FBXL14: variants seen among roughly 807,000 people sequenced by gnomAD.
FBXL14 encodes F-box/LRR-repeat protein 14.
A neutral mutation model predicts 24.5 loss-of-function variants in FBXL14; 11 were observed. That is an observed-to-expected ratio of 0.45 (90% CI 0.28 to 0.74). FBXL14 has a LOEUF of 0.74. FBXL14 is among the 30% of genes least tolerant of loss of function. The pLI is 0.12. For missense variants in FBXL14, 384 were observed against 545.6 expected (o/e 0.70, Z 2.95); for synonymous variants, 294 against 240.4 (o/e 1.22, Z -2.06).
At chr12:1,581,034 A>G (rs949058650) in intron 1 of FBXL14, among the ~76,000 whole-genome samples, 3 of 152,204 alleles carry the variant, frequency 2.0e-5, no homozygotes, top group Non-Finnish European at 2.9e-5. Context: ...TACCTGCTTC[A>G]GTGTGTAGAC....
chr12:1,594,098 G>A lies in FBXL14; in HGVS notation c.-32C>T, dbSNP rs541686360. 7.6e-5 allele frequency: 103 copies of A among 1,362,204 alleles called. 3 individuals are homozygous for A. In the Admixed American group the frequency reaches 2.6e-3, roughly 34 times the overall value. The allele number at this position is 1,362,204 out of a possible 1,614,324, so 84.4% of individuals were successfully genotyped here. ...CCTCCCCCCTCCGCGGCGCTGGGGG[G>A]AGGAGGCGCGGGCCCCGCCGCTCCG... On this transcript the variant is annotated 5_prime_UTR_variant, in exon 1 of 2. Transcript: ENST00000339235.
At chr12:1,591,709 T>C (rs755249086) in intron 1 of FBXL14, among the ~76,000 whole-genome samples, 6 of 152,102 alleles carry the variant, frequency 3.9e-5, no homozygotes, top group African/African-American at 1.5e-4. Flanking sequence ...ATTTTGTTAA[T>C]AGAACAGAGA....
Position 1,594,114 on chromosome 12 carries a change from C to G in FBXL14, c.-48G>C. 7.6e-7 allele frequency: 1 copy of G among 1,316,204 alleles called. No individual in the cohort carries two copies. The highest frequency in any genetic ancestry group is 9.7e-7 in the Non-Finnish European group (1 of 1,036,026). 81.5% of individuals were successfully genotyped at this position (1,316,204 alleles called of 1,614,324 possible). On this transcript the variant is annotated 5_prime_UTR_variant, in exon 1 of 2. Coordinates refer to ENST00000339235, the MANE Select transcript of FBXL14 (RefSeq NM_152441.3). Reference sequence around the variant, plus strand: ...CGCTGGGGGGAGGAGGCGCGGGCCCCGCCGCTCCGGCCTCGGGCAGGCGAC... The same window carrying G: ...CGCTGGGGGGAGGAGGCGCGGGCCCGGCCGCTCCGGCCTCGGGCAGGCGAC...
chr12:1,588,552 G>C (rs1233464459), intron 1 of FBXL14, among the ~76,000 whole-genome samples: 1 of 152,276 alleles, frequency 6.6e-6, no homozygotes, highest in Admixed American at 6.5e-5. Flanking sequence ...CTTGGGAGCT[G>C]CAGAAATTGG....
intron 1 of FBXL14, among the ~76,000 whole-genome samples, chr12:1,580,977 C>T (rs1419760454): frequency 6.6e-6 from 1 of 152,062 alleles, no homozygotes; most frequent in Non-Finnish European, 1.5e-5. Context: ...TCTGAAGTAT[C>T]AAGCGGAAGG....
rs949985637 is a variant in FBXL14, at chr12:1,579,353, C to T, written c.1195-12543G>A. Among the ~76,000 whole-genome samples the T allele has an allele frequency of 6.6e-6, 1 of 152,048 alleles. No individual in the cohort carries two copies. Among genetic ancestry groups the T allele is most frequent in the African/African-American group, 2.4e-5 (1 of 41,426 alleles). ...AATCTGGGCCGGGCACGGTGGCTCA[C>T]GCCTGTAATCCCAGCACTTTGGGAG... is the stretch of plus-strand genomic sequence containing the variant. On this transcript the variant is annotated intron_variant, in intron 1 of 1. Transcript: ENST00000339235. The surrounding 1 kb of genome is among the most constrained non-coding windows in gnomAD (Gnocchi z 4.3).
intron 1 of FBXL14, among the ~76,000 whole-genome samples, chr12:1,585,069 A>G (rs895540469): frequency 1.3e-4 from 20 of 152,312 alleles, no homozygotes; most frequent in African/African-American, 4.8e-4. Flanking sequence ...TTTAGTGACT[A>G]CGTCTCAGAA....
rs2094495233 is a variant in FBXL14 at position 1,593,541 on chromosome 12, G to A, written c.526C>T (p.Leu176Phe). The A allele has an allele frequency of 1.2e-6, 2 of 1,613,914 alleles. No homozygotes were observed. The highest frequency in any genetic ancestry group is 1.7e-6 in the Non-Finnish European group (2 of 1,180,008). Residue 176 changes from leucine (L) to phenylalanine (F), a missense_variant, in exon 1 of 2, where the codon CTC becomes TTC. By Grantham distance (22) the Leu-to-Phe change is conservative (BLOSUM62 0). Transcript: ENST00000339235. The surrounding 1 kb of genome is among the most constrained non-coding windows in gnomAD (Gnocchi z 7.4). ...TCCGAAAGGTGGCGGCAGCTGCGGA[G>A]GTTAAGGCTCTTGAGGCGCTGCAGA... is the stretch of plus-strand genomic sequence containing the variant. ...WGLQRLKSLN[L>F]RSCRHLSDVG...
chr12:1,568,299 T>C (rs1259367312), intron 1 of FBXL14, among the ~76,000 whole-genome samples: 1 of 152,192 alleles, frequency 6.6e-6, no homozygotes, highest in African/African-American at 2.4e-5. Flanking sequence ...CCTAGAACTC[T>C]GAACCCTGCA....
At chr12:1,585,194 C>T (rs949829884) in intron 1 of FBXL14, among the ~76,000 whole-genome samples, 5 of 152,106 alleles carry the variant, frequency 3.3e-5, no homozygotes, top group Admixed American at 2.6e-4. Flanking sequence ...GTCAGGAGAT[C>T]GAGACCATCC....
rs1341078169 is a variant in FBXL14, at chr12:1,593,515, A to G, written c.552T>C (p.Asp184=). Residue 184 remains aspartate, a synonymous_variant, in exon 1 of 2, where the codon GAT becomes GAC. Transcript: ENST00000339235. The surrounding 1 kb of genome is among the most constrained non-coding windows in gnomAD (Gnocchi z 7.4). The part of the protein sequence containing the change: ...LNLRSCRHLS[D]VGIGHLAGMT... ...TGCCGGCCAGGTGCCCGATGCCCAC[A>G]TCCGAAAGGTGGCGGCAGCTGCGGA... The G allele has an allele frequency of 6.2e-7, 1 of 1,613,776 alleles. No individual in the cohort carries two copies. The highest frequency in any genetic ancestry group is 8.5e-7 in the Non-Finnish European group (1 of 1,179,926).
rs79336502 is a variant in FBXL14 at position 1,575,969 on chromosome 12, G to C, written c.1195-9159C>G. Among the ~76,000 whole-genome samples the C allele has an allele frequency of 6.6e-3, 1,006 of 152,292 alleles. 6 individuals are homozygous for C. Among genetic ancestry groups the C allele is most frequent in the Non-Finnish European group, 0.012 (798 of 68,024 alleles). ...GCTGAGGAAGCCTGCCTGGATGTGT[G>C]TTTTTGTCCTCATGGAGATGCACAT... is the stretch of plus-strand genomic sequence containing the variant. On this transcript the variant is annotated intron_variant, in intron 1 of 1. Coordinates refer to ENST00000339235, the MANE Select transcript of FBXL14 (RefSeq NM_152441.3).
At chr12:1,582,252 GAAAA>G (rs947803645) in intron 1 of FBXL14, among the ~76,000 whole-genome samples, 1 of 152,052 alleles carries the variant, frequency 6.6e-6, no homozygotes, top group Non-Finnish European at 1.5e-5. Context: ...AAAAAGAAAA[GAAAA>G]GAAAGAGAAA....
intron 1 of FBXL14, among the ~76,000 whole-genome samples, chr12:1,568,786 A>G (rs1453340869): frequency 6.6e-6 from 1 of 152,122 alleles, no homozygotes; most frequent in Non-Finnish European, 1.5e-5. Flanking sequence ...ACTTGAACCC[A>G]GGAGGTGGAG....
intron 1 of FBXL14, among the ~76,000 whole-genome samples, chr12:1,576,784 G>T (rs913683854): frequency 6.6e-6 from 1 of 152,154 alleles, no homozygotes; most frequent in African/African-American, 2.4e-5. Flanking sequence ...AGCCCTTGGC[G>T]GGGGACTCGG....
Position 1,593,938 on chromosome 12 carries a change from C to G in FBXL14, c.129G>C (p.Ser43=). Residue 43 remains serine, a synonymous_variant, in exon 1 of 2, where the codon TCG becomes TCC. Transcript: ENST00000339235. This position sits in a 1 kb window ranked among gnomAD's most constrained non-coding sequence, Gnocchi z 7.4. ...GCTTGGCCTCCACCCCCCGCCACACCGACTTGTGGTAGGCGGCGTCCCGCC... is the reference window on the plus strand; with the variant it reads ...GCTTGGCCTCCACCCCCCGCCACACGGACTTGTGGTAGGCGGCGTCCCGCC... The part of the protein sequence containing the change: ...TAWRDAAYHK[S]VWRGVEAKLH... 1 of 1,593,436 alleles carries G rather than the reference C, an allele frequency of 6.3e-7. No individual in the cohort carries two copies. Among genetic ancestry groups the G allele is most frequent in the Non-Finnish European group, 8.5e-7 (1 of 1,176,666 alleles).
chr12:1,585,697 A>G (rs181140684), intron 1 of FBXL14, among the ~76,000 whole-genome samples: 68 of 152,252 alleles, frequency 4.5e-4, no homozygotes, highest in African/African-American at 1.6e-3. Flanking sequence ...GATTACGTAA[A>G]TGGGGGAGTA....
At chr12:1,574,364 G>T in intron 1 of FBXL14, among the ~76,000 whole-genome samples, 1 of 152,196 alleles carries the variant, frequency 6.6e-6, no homozygotes, top group Non-Finnish European at 1.5e-5. Flanking sequence ...GGTGAGAGGA[G>T]GCTGGTGGCA....
chr12:1,590,266 TC>T (rs1286439731), intron 1 of FBXL14, among the ~76,000 whole-genome samples: 1 of 152,146 alleles, frequency 6.6e-6, no homozygotes. Flanking sequence ...GTGATGACTC[TC>T]CAAAAAGGAA....
Sources: allele counts gnomAD v4.1 joint callset (sites outside exome capture counted in the v4.1 genomes callset), GRCh38; gene constraint gnomAD v4.1.1; non-coding constraint Gnocchi (gnomAD v3.1); transcripts MANE v1.5; gene names NCBI Gene and HGNC (gene_info 2026-07-23, HGNC 2026-07-21).